Variants in MSH3 observed in about 807,000 individuals in gnomAD.
MSH3 encodes the protein DNA mismatch repair protein Msh3.
MSH3 carries 106 observed loss-of-function variants against 123.3 expected under a neutral mutation model. The observed-to-expected ratio is 0.86, with a 90% CI of 0.73 to 1.01. The LOEUF (loss-of-function observed/expected upper bound fraction) is 1.01. Among genes scored for constraint, MSH3 ranks in the 50% least tolerant of loss-of-function variants. The pLI is 0.00. For synonymous variants in MSH3, 515 were observed against 481.4 expected (o/e 1.07, Z -0.91); for missense variants, 1,459 against 1,347.6 (o/e 1.08, Z -1.29).
chr5:80,721,339 G>C (rs1191570564), intron 8 of MSH3, among the ~76,000 whole-genome samples: 1 of 152,130 alleles, frequency 6.6e-6, no homozygotes, highest in Non-Finnish European at 1.5e-5. Flanking sequence ...TCCTAAAAAA[G>C]TGCTTTGCAT....
intron 19 of MSH3, among the ~76,000 whole-genome samples, chr5:80,806,443 A>G (rs1691740257): frequency 6.6e-6 from 1 of 152,240 alleles, no homozygotes; most frequent in Admixed American, 6.5e-5. Context: ...CTAATTTCAT[A>G]TCTTTCTATA....
chr5:80,850,327 G>T (rs1243375414), intron 20 of MSH3, among the ~76,000 whole-genome samples: 1 of 152,056 alleles, frequency 6.6e-6, no homozygotes, highest in African/African-American at 2.4e-5. Flanking sequence ...CAGTTCCAAA[G>T]TTGCCTCCAC....
intron 12 of MSH3, among the ~76,000 whole-genome samples, chr5:80,760,954 T>C (rs190500260): frequency 2.6e-5 from 4 of 152,318 alleles, no homozygotes; most frequent in Non-Finnish European, 1.5e-5. Flanking sequence ...TGTGTTTGCT[T>C]GGTGAGCCTG....
intron 12 of MSH3, among the ~76,000 whole-genome samples, chr5:80,747,832 A>G (rs377628840): frequency 2.0e-4 from 30 of 152,228 alleles, no homozygotes; most frequent in African/African-American, 6.5e-4. Flanking sequence ...ACTGTACCAT[A>G]TAGCCTAGGT....
intron 20 of MSH3, among the ~76,000 whole-genome samples, chr5:80,819,688 T>C (rs142820897): frequency 2.7e-4 from 41 of 152,102 alleles, no homozygotes; most frequent in African/African-American, 8.9e-4. Context: ...GGTTTCGCCA[T>C]GTTGGCCAGG....
chr5:80,775,630 G>C, intron 15 of MSH3, 64 bp from the exon 16 acceptor site: 4 of 932,772 alleles, frequency 4.3e-6, no homozygotes, highest in Non-Finnish European at 6.8e-6. Context: ...CCACAATTTG[G>C]GGAAAGCTTT....
intron 15 of MSH3, among the ~76,000 whole-genome samples, chr5:80,770,135 A>C (rs1210947607): frequency 6.6e-6 from 1 of 152,184 alleles, no homozygotes; most frequent in Non-Finnish European, 1.5e-5. Context: ...TTTGCTATGC[A>C]GTCATGACCT....
chr5:80,775,858 G>A, intron 16 of MSH3, 100 bp downstream of exon 16: 4 of 716,002 alleles, frequency 5.6e-6, no homozygotes, highest in Non-Finnish European at 9.8e-6. Context: ...GAAATTAAAA[G>A]CAATTCTTTT....
intron 12 of MSH3, among the ~76,000 whole-genome samples, chr5:80,747,076 A>G (rs2112870588): frequency 6.6e-6 from 1 of 152,348 alleles, no homozygotes; most frequent in African/African-American, 2.4e-5. Context: ...TAATGAAATA[A>G]GCAGACCTTG....
chr5:80,665,235 G>A lies in MSH3; in HGVS notation c.451G>A (p.Val151Ile), dbSNP rs1464009096. 6.2e-7 allele frequency: 1 copy of A among 1,614,114 alleles called. No homozygotes were observed. Among genetic ancestry groups the A allele is most frequent in the Non-Finnish European group, 8.5e-7 (1 of 1,180,002 alleles). Reference protein sequence around the residue: ...CCDSALPQSRVQTESLQERFA... With the variant: ...CCDSALPQSRIQTESLQERFA... ...CGATTCTGCCCTTCCTCAAAGTAGA[G>A]TCCAGACAGAATCTCTGCAGGAGAG... The change falls in exon 3 of 24, where the codon GTC becomes ATC. Residue 151 changes from valine to isoleucine, a missense_variant. Coordinates refer to ENST00000265081, the MANE Select transcript of MSH3 (RefSeq NM_002439.5).
intron 1 of MSH3, chr5:80,655,346 G>A (rs888196694): frequency 8.4e-6 from 2 of 239,044 alleles, no homozygotes; most frequent in Non-Finnish European, 1.6e-5. Flanking sequence ...GCTGGATTGG[G>A]TGACTAGAAG....
chr5:80,695,878 T>G (rs1750467335), intron 8 of MSH3, among the ~76,000 whole-genome samples: 1 of 152,222 alleles, frequency 6.6e-6, no homozygotes, highest in Non-Finnish European at 1.5e-5. Flanking sequence ...GAGTGATTTT[T>G]GGTTGGAACC....
intron 2 of MSH3, among the ~76,000 whole-genome samples, chr5:80,658,729 C>T (rs1396705107): frequency 6.6e-6 from 1 of 151,860 alleles, no homozygotes; most frequent in Non-Finnish European, 1.5e-5. Flanking sequence ...GTAGCAAGGA[C>T]CACAGGTGCA....
chr5:80,655,849 T>G (rs753517702), intron 1 of MSH3, among the ~76,000 whole-genome samples: 3 of 152,162 alleles, frequency 2.0e-5, no homozygotes, highest in Non-Finnish European at 4.4e-5. Flanking sequence ...TCACCAAAAT[T>G]TTGCACCCAC....
intron 19 of MSH3, among the ~76,000 whole-genome samples, chr5:80,795,121 G>A (rs939494324): frequency 6.6e-6 from 1 of 152,170 alleles, no homozygotes; most frequent in African/African-American, 2.4e-5. Context: ...AGCGAGCTGG[G>A]ACTGTAACAG....
chr5:80,852,266 A>G (rs1179949047), intron 20 of MSH3, among the ~76,000 whole-genome samples: 2 of 152,218 alleles, frequency 1.3e-5, no homozygotes, highest in Non-Finnish European at 2.9e-5. Flanking sequence ...TTGAGGCTGC[A>G]GTGAGCTGTT....
Position 80,876,190 on chromosome 5 carries a change from A to G in MSH3, c.*328A>G. 1 of 296,868 alleles carries G rather than the reference A, an allele frequency of 3.4e-6. No individual in the cohort carries two copies. 18.4% of individuals were successfully genotyped at this position (296,868 alleles called of 1,614,324 possible). ...ATATAAAAATTTACTTGATATTTTTATTTGTTTCAGTTCAGATAATTGGCA... is the reference window on the plus strand; with the variant it reads ...ATATAAAAATTTACTTGATATTTTTGTTTGTTTCAGTTCAGATAATTGGCA... On this transcript the variant is annotated 3_prime_UTR_variant, in exon 24 of 24. Transcript: ENST00000265081.
rs114346846 is a variant in MSH3, at chr5:80,714,987, T to C, written c.1341-10466T>C. On this transcript the variant is annotated intron_variant, in intron 8 of 23. Coordinates refer to ENST00000265081, the MANE Select transcript of MSH3 (RefSeq NM_002439.5). ...GAGAATATCCTCCCTCTTAGGTTTC[T>C]TCCTGAATCAGCTTATGCCTGCCTA... Among the ~76,000 whole-genome samples the C allele has an allele frequency of 3.0e-3, 453 of 152,350 alleles. 5 individuals carry two copies. The highest frequency in any genetic ancestry group is 0.01 in the African/African-American group (432 of 41,580).
intron 10 of MSH3, among the ~76,000 whole-genome samples, chr5:80,731,145 C>A (rs2112859974): frequency 6.6e-6 from 1 of 152,122 alleles, no homozygotes; most frequent in South Asian, 2.1e-4. Context: ...CTCAAGTGAT[C>A]TGCCCACTTG....
Sources: gnomAD v4.1 joint callset for allele counts (sites outside exome capture counted in the v4.1 genomes callset) on GRCh38, gnomAD v4.1.1 for gene constraint, MANE v1.5 for transcripts, NCBI Gene and HGNC (gene_info 2026-07-23, HGNC 2026-07-21) for gene names.